The following RBFOX1 variants were observed in gnomAD, a reference collection of about 807,000 sequenced individuals.
RBFOX1 encodes RNA binding fox-1 homolog 1.
RBFOX1 carries 8 observed loss-of-function variants against 57.7 expected under a neutral mutation model. The ratio of observed to expected loss-of-function variants is 0.14; its 90% CI spans 0.08 to 0.25. RBFOX1 has a LOEUF of 0.25. RBFOX1 is among the 10% of genes least tolerant of loss of function. The pLI is 1.00. For synonymous variants in RBFOX1, 326 were observed against 222.4 expected, an observed-to-expected ratio of 1.47 and a Z score of -4.15; for missense variants, 611 against 548.5, an observed-to-expected ratio of 1.11 and a Z score of -1.14.
At chr16:6,023,267 CTA>C (rs58852639) in intron 1 of RBFOX1, among the ~76,000 whole-genome samples, 89,126 of 147,458 alleles carry the variant, frequency 0.6, 27,430 homozygotes, top group South Asian at 0.7. Flanking sequence ...ATAATTGAAG[CTA>C]TATATATATA....
At chr16:6,755,399 C>T (rs1040410194) in intron 3 of RBFOX1, among the ~76,000 whole-genome samples, 1 of 152,152 alleles carries the variant, frequency 6.6e-6, no homozygotes, top group African/African-American at 2.4e-5. Flanking sequence ...GCCATTCTAA[C>T]TGGTGTGAGA....
intron 4 of RBFOX1, among the ~76,000 whole-genome samples, chr16:7,176,794 C>G (rs989641370): frequency 6.6e-6 from 1 of 151,964 alleles, no homozygotes; most frequent in Non-Finnish European, 1.5e-5. Flanking sequence ...ATGTACTTAC[C>G]TATACACATA....
chr16:6,047,827 T>C (rs904050495), intron 1 of RBFOX1, among the ~76,000 whole-genome samples: 1 of 152,214 alleles, frequency 6.6e-6, no homozygotes, highest in Non-Finnish European at 1.5e-5. Context: ...GGGTATACCA[T>C]GGCTGTGCCT....
At chr16:6,522,377 T>G (rs2096519043) in intron 2 of RBFOX1, among the ~76,000 whole-genome samples, 2 of 152,194 alleles carry the variant, frequency 1.3e-5, no homozygotes, top group Admixed American at 1.3e-4. Flanking sequence ...GTTGGATTAA[T>G]TTTTACCCAA....
rs183973212 is a variant in RBFOX1 at position 7,301,535 on chromosome 16, A to G, written c.28-216612A>G. 3.4e-3 allele frequency among the ~76,000 whole-genome samples: 522 copies of G among 152,338 alleles called. 10 individuals carry two copies. The highest frequency in any genetic ancestry group is 0.03 in the Admixed American group (463 of 15,306). ...ACTGAGGGGTTCCAACTTTGGGGAG[A>G]AAACGGACTGGAAAATCTGTATTGC... On this transcript the variant is annotated intron_variant, in intron 4 of 15. Transcript: ENST00000550418.
chr16:7,308,544 G>A (rs181641707), intron 4 of RBFOX1, among the ~76,000 whole-genome samples: 36 of 152,234 alleles, frequency 2.4e-4, no homozygotes, highest in Non-Finnish European at 2.4e-4. Flanking sequence ...GTCAATATTC[G>A]AAGATTGGTA....
At chr16:5,297,649 A>C (rs1401596515) in intron 1 of RBFOX1, among the ~76,000 whole-genome samples, 2 of 152,144 alleles carry the variant, frequency 1.3e-5, no homozygotes, top group African/African-American at 4.8e-5. Flanking sequence ...TTCTAGCCTT[A>C]TCAGATGTAT....
chr16:6,758,486 A>G (rs1027084615), intron 3 of RBFOX1, among the ~76,000 whole-genome samples: 14 of 152,158 alleles, frequency 9.2e-5, no homozygotes, highest in African/African-American at 3.4e-4. Context: ...CTTGGCACTG[A>G]TTAATTGACG....
At chr16:6,907,337 G>T in intron 3 of RBFOX1, among the ~76,000 whole-genome samples, 1 of 152,158 alleles carries the variant, frequency 6.6e-6, no homozygotes, top group Non-Finnish European at 1.5e-5. Context: ...TTCACTCAGA[G>T]AAACAGTGTA....
chr16:5,761,520 G>T (rs1028787537), intron 3 of RBFOX1, among the ~76,000 whole-genome samples: 1 of 152,160 alleles, frequency 6.6e-6, no homozygotes, highest in African/African-American at 2.4e-5. Flanking sequence ...ATGACAGAAG[G>T]CAAGGAAGAG....
intron 2 of RBFOX1, chr16:5,598,839 T>G (rs985811854): frequency 7.7e-7 from 1 of 1,295,362 alleles, no homozygotes; most frequent in Non-Finnish European, 1.0e-6. Flanking sequence ...TACTCAAGGT[T>G]AGAATTTTTT....
intron 3 of RBFOX1, among the ~76,000 whole-genome samples, chr16:6,918,748 C>G (rs1263386590): frequency 2.0e-5 from 3 of 152,112 alleles, no homozygotes; most frequent in Non-Finnish European, 2.9e-5. Flanking sequence ...GCGGCAGTCT[C>G]ACGTTGATAT....
chr16:5,948,727 C>T (rs1271160948), intron 4 of RBFOX1, among the ~76,000 whole-genome samples: 2 of 152,144 alleles, frequency 1.3e-5, no homozygotes, highest in East Asian at 3.9e-4. Context: ...GGAACCAACC[C>T]TACCAGTGCT....
intron 3 of RBFOX1, among the ~76,000 whole-genome samples, chr16:7,044,568 C>G (rs1054911531): frequency 1.3e-5 from 2 of 152,168 alleles, no homozygotes; most frequent in African/African-American, 4.8e-5. Flanking sequence ...TTCATAAGTG[C>G]TTACTTGGCA....
chr16:7,461,020 T>G (rs556595639), intron 4 of RBFOX1, among the ~76,000 whole-genome samples: 31 of 152,326 alleles, frequency 2.0e-4, no homozygotes, highest in Middle Eastern at 3.4e-3. Context: ...GGAAGCCATG[T>G]AGTGAGTGAG....
chr16:6,439,197 A>G (rs1208645646), intron 2 of RBFOX1, among the ~76,000 whole-genome samples: 1 of 152,210 alleles, frequency 6.6e-6, no homozygotes, highest in Non-Finnish European at 1.5e-5. Flanking sequence ...GCATACAGGC[A>G]GTGATGATGA....
intron 3 of RBFOX1, among the ~76,000 whole-genome samples, chr16:6,750,906 G>C (rs572709104): frequency 6.6e-6 from 1 of 152,266 alleles, no homozygotes; most frequent in East Asian, 1.9e-4. Context: ...GTTTTCTTCA[G>C]ATTAGTGGGC....
At chr16:5,666,640 G>T (rs1004077698) in intron 3 of RBFOX1, among the ~76,000 whole-genome samples, 8 of 152,204 alleles carry the variant, frequency 5.3e-5, no homozygotes, top group Non-Finnish European at 1.2e-4. Context: ...AATAGGACTG[G>T]CAGTGAGCTA....
chr16:7,268,123 T>C (rs1270821705), intron 4 of RBFOX1, among the ~76,000 whole-genome samples: 1 of 152,210 alleles, frequency 6.6e-6, no homozygotes, highest in Non-Finnish European at 1.5e-5. Context: ...TGTAACATCA[T>C]GGCCAGTGTC....
Sources: gnomAD v4.1 joint callset for allele counts (sites outside exome capture counted in the v4.1 genomes callset) on GRCh38, gnomAD v4.1.1 for gene constraint, MANE v1.5 for transcripts, NCBI Gene and HGNC (gene_info 2026-07-23, HGNC 2026-07-21) for gene names.